PSD3: variants seen among roughly 807,000 people sequenced by gnomAD.
PSD3 encodes the protein pleckstrin and Sec7 domain containing 3.
PSD3 carries 49 observed loss-of-function variants against 105.5 expected under a neutral mutation model. That is an observed-to-expected ratio of 0.46 (90% confidence interval 0.37 to 0.59). The LOEUF (loss-of-function observed/expected upper bound fraction) is 0.59. PSD3 is among the 20% of genes least tolerant of loss of function. The pLI, the probability that PSD3 is intolerant of heterozygous loss-of-function variation, is 0.00. For synonymous variants in PSD3, 557 were observed against 457.8 expected (o/e 1.22, Z -2.77); for missense variants, 1,561 against 1,263.8 (o/e 1.24, Z -3.57).
intron 1 of PSD3, among the ~76,000 whole-genome samples, chr8:18,955,623 C>T (rs1045943054): frequency 3.3e-5 from 5 of 152,082 alleles, no homozygotes; most frequent in Non-Finnish European, 7.4e-5. Flanking sequence ...ACATTGAGAT[C>T]AAAGGAAATG....
intron 2 of PSD3, among the ~76,000 whole-genome samples, chr8:18,906,838 A>G (rs1306501462): frequency 1.3e-5 from 2 of 152,228 alleles, no homozygotes; most frequent in African/African-American, 2.4e-5. Flanking sequence ...TTATATACAT[A>G]CACGTAAGAT....
intron 1 of PSD3, among the ~76,000 whole-genome samples, chr8:19,011,866 G>A (rs1490302726): frequency 1.3e-5 from 2 of 152,060 alleles, no homozygotes; most frequent in Non-Finnish European, 1.5e-5. Flanking sequence ...ACATTCAATG[G>A]TCAGGATAAG....
chr8:18,572,731 T>A, intron 13 of PSD3, 59 bp from the exon 14 acceptor site: 3 of 1,566,480 alleles, frequency 1.9e-6, no homozygotes, highest in Non-Finnish European at 2.6e-6. Context: ...GCATCACACT[T>A]TGCCTATTTC....
intron 12 of PSD3, among the ~76,000 whole-genome samples, chr8:18,594,282 T>TATATATATTAAAG (rs1803891354): frequency 6.4e-5 from 1 of 15,740 alleles, no homozygotes; most frequent in African/African-American, 1.6e-4. Context: ...ATATATTATA[T>TATATATATTAAAG]AATATATATT....
intron 4 of PSD3, among the ~76,000 whole-genome samples, chr8:18,827,543 T>G (rs1813299539): frequency 6.6e-6 from 1 of 152,174 alleles, no homozygotes; most frequent in Non-Finnish European, 1.5e-5. Flanking sequence ...GGAAGGTGAC[T>G]GGATTAAATA....
intron 12 of PSD3, among the ~76,000 whole-genome samples, chr8:18,593,777 T>A (rs1309405177): frequency 6.6e-6 from 1 of 151,948 alleles, no homozygotes; most frequent in South Asian, 2.1e-4. Flanking sequence ...ATATACACCA[T>A]GGAACACTAT....
chr8:18,824,559 C>G (rs1420493877), intron 4 of PSD3, among the ~76,000 whole-genome samples: 1 of 152,198 alleles, frequency 6.6e-6, no homozygotes, highest in African/African-American at 2.4e-5. Flanking sequence ...TTAATGGTTT[C>G]TGCTTCCCAG....
chr8:18,812,951 T>C (rs113754568), intron 4 of PSD3, among the ~76,000 whole-genome samples: 123 of 152,222 alleles, frequency 8.1e-4, no homozygotes, highest in African/African-American at 2.8e-3. Context: ...TGGGTTTTGG[T>C]AAGATCAGTT....
At chr8:18,601,682 T>G (rs1804451510) in intron 11 of PSD3, among the ~76,000 whole-genome samples, 1 of 152,038 alleles carries the variant, frequency 6.6e-6, no homozygotes, top group Admixed American at 6.5e-5. Flanking sequence ...ATACTAAAAA[T>G]ACATATAACC....
chr8:18,652,149 C>A (rs148513458), intron 10 of PSD3, among the ~76,000 whole-genome samples: 1 of 152,012 alleles, frequency 6.6e-6, no homozygotes, highest in Non-Finnish European at 1.5e-5. Flanking sequence ...GGAGCACACA[C>A]GACAAGTTTG....
intron 11 of PSD3, among the ~76,000 whole-genome samples, chr8:18,610,207 C>G (rs559441670): frequency 2.6e-5 from 4 of 152,226 alleles, no homozygotes; most frequent in South Asian, 4.1e-4. Context: ...CTAAATATGG[C>G]CTTAGGACTC....
chr8:18,681,759 C>G (rs1800401849), intron 9 of PSD3, among the ~76,000 whole-genome samples: 1 of 152,004 alleles, frequency 6.6e-6, no homozygotes, highest in Admixed American at 6.6e-5. Context: ...CTGATTTTCT[C>G]TTAGCTCTGG....
chr8:18,922,702 G>T (rs756550020), intron 2 of PSD3, among the ~76,000 whole-genome samples: 1 of 152,102 alleles, frequency 6.6e-6, no homozygotes, highest in South Asian at 2.1e-4. Context: ...TTTCACCTGC[G>T]CTTCTGACTG....
intron 1 of PSD3, chr8:19,000,122 G>A (rs1448749466): frequency 6.6e-6 from 1 of 151,284 alleles, no homozygotes; most frequent in South Asian, 2.1e-4. Context: ...TTGGCACAGT[G>A]ACTCACACCT....
At chr8:18,892,009 A>C (rs1261805321) in intron 2 of PSD3, among the ~76,000 whole-genome samples, 1 of 152,214 alleles carries the variant, frequency 6.6e-6, no homozygotes, top group Non-Finnish European at 1.5e-5. Context: ...AGCAACCCTC[A>C]GACCAAAGTT....
At chr8:19,012,658 C>T (rs1173131056) in intron 1 of PSD3, among the ~76,000 whole-genome samples, 1 of 152,226 alleles carries the variant, frequency 6.6e-6, no homozygotes, top group Non-Finnish European at 1.5e-5. Flanking sequence ...AGCAGAAATC[C>T]TATCCTACTT....
chr8:18,904,545 T>C (rs1185238386), intron 2 of PSD3, among the ~76,000 whole-genome samples: 1 of 152,138 alleles, frequency 6.6e-6, no homozygotes, highest in Non-Finnish European at 1.5e-5. Context: ...CTACTACCCC[T>C]TTCTTTTGGC....
intron 9 of PSD3, among the ~76,000 whole-genome samples, chr8:18,673,968 C>T (rs1684126362): frequency 6.6e-6 from 1 of 151,992 alleles, no homozygotes; most frequent in South Asian, 2.1e-4. Context: ...AAAACAAGAC[C>T]CTATCTCTAC....
At chr8:18,745,515 G>A (rs1032749873) in intron 9 of PSD3, among the ~76,000 whole-genome samples, 1 of 152,124 alleles carries the variant, frequency 6.6e-6, no homozygotes, top group South Asian at 2.1e-4. Context: ...CTTCTTTTGA[G>A]CACTTACTTT....
Sources: gnomAD v4.1 joint callset for allele counts (sites outside exome capture counted in the v4.1 genomes callset) on GRCh38, gnomAD v4.1.1 for gene constraint, MANE v1.5 for transcripts, NCBI Gene and HGNC (gene_info 2026-07-23, HGNC 2026-07-21) for gene names.